JAKMIP2: variants seen among roughly 807,000 people sequenced by gnomAD.
JAKMIP2 encodes the protein janus kinase and microtubule interacting protein 2.
A neutral mutation model predicts 115.0 loss-of-function variants in JAKMIP2; 25 were observed. The ratio of observed to expected loss-of-function variants is 0.22; its 90% confidence interval spans 0.16 to 0.30. The LOEUF is 0.30. JAKMIP2 is among the 10% of genes least tolerant of loss of function. The pLI, the probability that JAKMIP2 is intolerant of heterozygous loss-of-function variation, is 1.00. For synonymous variants in JAKMIP2, 334 were observed against 343.6 expected, an observed-to-expected ratio of 0.97 and a Z score of 0.31; for missense variants, 642 against 957.6, an observed-to-expected ratio of 0.67 and a Z score of 4.35.
intron 4 of JAKMIP2, among the ~76,000 whole-genome samples, chr5:147,649,440 G>A (rs1228043303): frequency 6.6e-6 from 1 of 152,050 alleles, no homozygotes; most frequent in South Asian, 2.1e-4. Flanking sequence ...TTTTACACAT[G>A]AGGAAACTGA....
intron 1 of JAKMIP2, among the ~76,000 whole-genome samples, chr5:147,690,539 T>TTATATATATA (rs58086292): frequency 3.3e-5 from 3 of 92,250 alleles, no homozygotes; most frequent in Admixed American, 1.3e-4. Context: ...ACTAAAGAGA[T>TTATATATATA]TATATATATA....
chr5:147,613,316 T>C (rs917980376), intron 19 of JAKMIP2, among the ~76,000 whole-genome samples: 5 of 152,100 alleles, frequency 3.3e-5, no homozygotes, highest in African/African-American at 1.2e-4. Context: ...ATGGAGTCTA[T>C]GGAGAAAACA....
In JAKMIP2 at chr5:147,660,941, T is replaced by C. The variant is rs745426947; in HGVS notation, c.627+7A>G. 1 of 1,613,530 alleles carries C rather than the reference T, an allele frequency of 6.2e-7. No individual in the cohort carries two copies. The highest frequency in any genetic ancestry group is 1.1e-5 in the South Asian group (1 of 91,026). ...CTACATGGGTCTGATGGGATTACTG[T>C]ACTAACCAGCCTCCGAATATCCCGC... is the stretch of plus-strand genomic sequence containing the variant. On this transcript the variant is annotated splice_region_variant and intron_variant, in intron 3 of 21. Transcript: ENST00000616793.
At chr5:147,756,887 G>A (rs1005784918) in intron 1 of JAKMIP2, among the ~76,000 whole-genome samples, 2 of 152,106 alleles carry the variant, frequency 1.3e-5, no homozygotes, top group African/African-American at 4.8e-5. Context: ...CAATTACAAA[G>A]TACTGTCTGT....
intron 1 of JAKMIP2, among the ~76,000 whole-genome samples, chr5:147,675,805 T>G (rs1474128750): frequency 7.7e-6 from 1 of 130,170 alleles, no homozygotes; most frequent in Non-Finnish European, 1.6e-5. Flanking sequence ...TTTTTTTTTT[T>G]GTGACTGGCT....
chr5:147,623,560 T>C (rs1030061079), intron 17 of JAKMIP2, 61 bp downstream of exon 17: 2 of 1,122,260 alleles, frequency 1.8e-6, no homozygotes, highest in Non-Finnish European at 2.7e-6. Flanking sequence ...GAGGCAACTT[T>C]AATTTTCCAT....
At chr5:147,702,366 T>C (rs1046855476) in intron 1 of JAKMIP2, among the ~76,000 whole-genome samples, 6 of 147,492 alleles carry the variant, frequency 4.1e-5, no homozygotes, top group African/African-American at 1.3e-4. Flanking sequence ...GCTTGGGTGA[T>C]GGGTGCACCA....
chr5:147,615,294 C>A (rs1275362305), intron 19 of JAKMIP2, among the ~76,000 whole-genome samples: 3 of 152,098 alleles, frequency 2.0e-5, no homozygotes, highest in Admixed American at 1.3e-4. Context: ...TGGGTTGGAT[C>A]TTAAACTGGG....
chr5:147,744,052 T>G (rs1201645457), intron 1 of JAKMIP2, among the ~76,000 whole-genome samples: 2 of 149,000 alleles, frequency 1.3e-5, no homozygotes, highest in Non-Finnish European at 3.0e-5. Context: ...CCTTCCTTCC[T>G]TCCTTCCTCT....
chr5:147,693,241 AT>A (rs1751955693), intron 1 of JAKMIP2, among the ~76,000 whole-genome samples: 1 of 152,224 alleles, frequency 6.6e-6, no homozygotes, highest in Non-Finnish European at 1.5e-5. Context: ...GACCTTGGGC[AT>A]GTTACTTAAC....
intron 21 of JAKMIP2, among the ~76,000 whole-genome samples, chr5:147,592,752 T>C (rs962153419): frequency 1.1e-4 from 16 of 152,196 alleles, no homozygotes; most frequent in African/African-American, 3.9e-4. Context: ...TTTACTATTA[T>C]TCCAGAAATG....
At chr5:147,654,302 T>C (rs757835249) in intron 3 of JAKMIP2, among the ~76,000 whole-genome samples, 1 of 152,104 alleles carries the variant, frequency 6.6e-6, no homozygotes, top group Non-Finnish European at 1.5e-5. Context: ...ATTACTTTTG[T>C]CAGTATGGAC....
At chr5:147,753,300 T>C (rs1373427932) in intron 1 of JAKMIP2, among the ~76,000 whole-genome samples, 1 of 152,208 alleles carries the variant, frequency 6.6e-6, no homozygotes, top group Non-Finnish European at 1.5e-5. Context: ...TACTTAATCT[T>C]TTCAAGAGTT....
At chr5:147,596,123 C>A (rs974377291) in intron 21 of JAKMIP2, among the ~76,000 whole-genome samples, 46 of 151,992 alleles carry the variant, frequency 3.0e-4, no homozygotes, top group African/African-American at 1.1e-3. Context: ...ACTGGAGCAA[C>A]AGGAAGCCTG....
intron 1 of JAKMIP2, among the ~76,000 whole-genome samples, chr5:147,679,324 A>G (rs558302746): frequency 6.6e-6 from 1 of 152,228 alleles, no homozygotes; most frequent in African/African-American, 2.4e-5. Flanking sequence ...AAAATACCAC[A>G]CAATTCTTTG....
intron 17 of JAKMIP2, among the ~76,000 whole-genome samples, chr5:147,621,310 T>C (rs1322979197): frequency 6.6e-6 from 1 of 152,230 alleles, no homozygotes; most frequent in Non-Finnish European, 1.5e-5. Context: ...TCAGTTTCTG[T>C]GTGCTTCTCA....
At chr5:147,661,613 A>AGT (rs1300818481) in intron 2 of JAKMIP2, 168 bp from the exon 3 acceptor site, 1 of 630,236 alleles carries the variant, frequency 1.6e-6, no homozygotes, top group African/African-American at 1.8e-5. Context: ...CTGGGAATAC[A>AGT]GTGTGTAAGA....
rs1466995563 is a variant in JAKMIP2 at position 147,641,778 on chromosome 5, G to A, written c.1225-14C>T. On this transcript the variant is annotated splice_polypyrimidine_tract_variant and intron_variant, in intron 7 of 21. Coordinates refer to ENST00000616793, the MANE Select transcript of JAKMIP2 (RefSeq NM_001270941.2). ...CTTTTCTCGGTCCTGGAAAACAGAT[G>A]AAAGATTTTCAGATCCAGAATTGGT... 7.5e-6 allele frequency: 12 copies of A among 1,609,392 alleles called. No homozygotes were observed. The highest frequency in any genetic ancestry group is 9.4e-6 in the Non-Finnish European group (11 of 1,176,074).
At chr5:147,708,934 G>A (rs1580813982) in intron 1 of JAKMIP2, among the ~76,000 whole-genome samples, 1 of 152,142 alleles carries the variant, frequency 6.6e-6, no homozygotes, top group African/African-American at 2.4e-5. Flanking sequence ...GAGATGCAGT[G>A]ACTCTCCTAA....
Sources: gnomAD v4.1 joint callset for allele counts (sites outside exome capture counted in the v4.1 genomes callset) on GRCh38, gnomAD v4.1.1 for gene constraint, MANE v1.5 for transcripts, NCBI Gene and HGNC (gene_info 2026-07-23, HGNC 2026-07-21) for gene names.